Variants in GNPTG observed in about 807,000 individuals in gnomAD.
GNPTG encodes N-acetylglucosamine-1-phosphate transferase subunit gamma.
Under a neutral mutation model 43.8 loss-of-function variants are expected in GNPTG, and 46 were observed. That is an observed-to-expected ratio of 1.05 (90% CI 0.83 to 1.34). The LOEUF is 1.34. GNPTG is among the 40% of genes most tolerant of loss of function. The pLI, the probability that GNPTG is intolerant of heterozygous loss-of-function variation, is 0.00. For missense variants in GNPTG, 549 were observed against 411.3 expected (o/e 1.33, Z -2.90); for synonymous variants, 250 against 172.8 (o/e 1.45, Z -3.50).
At position 1,363,399 on chromosome 16, in the gene GNPTG, A is replaced by G; in HGVS notation, c.*308A>G. ...ATTCAAATAACATTCTCATGTAAAT[A>G]CTCAAACATACAGATTGAGGCTTCC... is the stretch of plus-strand genomic sequence containing the variant. On this transcript the variant is annotated 3_prime_UTR_variant, in exon 11 of 11. Coordinates refer to ENST00000204679, the MANE Select transcript of GNPTG (RefSeq NM_032520.5). 1 of 390,642 alleles carries G rather than the reference A, an allele frequency of 2.6e-6. No individual in the cohort carries two copies. The allele number at this position is 390,642 out of a possible 1,614,324, so 24.2% of individuals were successfully genotyped here.
In GNPTG at chr16:1,363,574, C is replaced by T. The variant is rs1003633771; in HGVS notation, c.*483C>T. 4.5e-6 allele frequency: 1 copy of T among 222,290 alleles called. No individual in the cohort carries two copies. Among genetic ancestry groups the T allele is most frequent in the African/African-American group, 2.3e-5 (1 of 42,822 alleles). The allele number at this position is 222,290 out of a possible 1,614,324, so 13.8% of individuals were successfully genotyped here. The stretch of plus-strand genomic sequence containing the variant: ...ACATGCAGAGCCGGCCGCCAGCCAG[C>T]TCCTACGCCCCGTGCCCGCCATGGC... On this transcript the variant is annotated 3_prime_UTR_variant, in exon 11 of 11. Transcript: ENST00000204679.
At chr16:1,354,581 G>T (rs1186971236) in intron 3 of GNPTG, among the ~76,000 whole-genome samples, 1 of 35,522 alleles carries the variant, frequency 2.8e-5, no homozygotes, top group Non-Finnish European at 4.6e-5. Flanking sequence ...GCAAGACTTC[G>T]TCTCAAAAAA....
chr16:1,364,107 A>G lies in GNPTG; in HGVS notation c.*1016A>G, dbSNP rs749097238. On this transcript the variant is annotated 3_prime_UTR_variant, in exon 11 of 11. Transcript: ENST00000204679. The stretch of plus-strand genomic sequence containing the variant: ...AAATACAAATAAAAACAGAGTTTAC[A>G]CATCGATGACAGTAGCACAAAATAT... 6.6e-6 allele frequency: 1 copy of G among 152,260 alleles called. No individual in the cohort carries two copies. The highest frequency in any genetic ancestry group is 1.5e-5 in the Non-Finnish European group (1 of 68,050). The allele number at this position is 152,260 out of a possible 1,614,324, so 9.4% of individuals were successfully genotyped here.
At chr16:1,352,546 G>T in intron 3 of GNPTG, 2 of 557,184 alleles carry the variant, frequency 3.6e-6, no homozygotes, top group Non-Finnish European at 6.4e-6. Context: ...ATAGTCTGGT[G>T]ACTTTGCAGA....
chr16:1,360,810 T>A (rs1366370522), intron 3 of GNPTG: 1 of 152,238 alleles, frequency 6.6e-6, no homozygotes, highest in Non-Finnish European at 1.5e-5. Flanking sequence ...AGGCAACTGG[T>A]ATTAATTCAC....
At chr16:1,360,153 G>C (rs1361473082) in intron 3 of GNPTG, among the ~76,000 whole-genome samples, 2 of 151,954 alleles carry the variant, frequency 1.3e-5, no homozygotes, top group African/African-American at 4.8e-5. Context: ...GCTTTATGTA[G>C]TGGGTGGCAC....
In GNPTG at chr16:1,363,958, A is replaced by G. The variant is rs1252532113; in HGVS notation, c.*867A>G. ...GGGGCGGGCGCCACCTCCTTCCCAG[A>G]AAGAGCAGAGCAGCTGGCAGACTAG... On this transcript the variant is annotated 3_prime_UTR_variant, in exon 11 of 11. Coordinates refer to ENST00000204679, the MANE Select transcript of GNPTG (RefSeq NM_032520.5). 7 of 152,228 alleles carry G rather than the reference A, an allele frequency of 4.6e-5. No homozygotes were observed. Among genetic ancestry groups the G allele is most frequent in the East Asian group, 1.9e-4 (1 of 5,200 alleles). The allele number at this position is 152,228 out of a possible 1,614,324, so 9.4% of individuals were successfully genotyped here.
rs1295354042 is a variant in GNPTG at position 1,363,861 on chromosome 16, C to G, written c.*770C>G. ...AGGGGAGCAGGTGCCACCTCCATCT[C>G]CCAGCTGTCCCCCCACCCCTGGGGC... is the stretch of plus-strand genomic sequence containing the variant. On this transcript the variant is annotated 3_prime_UTR_variant, in exon 11 of 11. Transcript: ENST00000204679. 1 of 152,522 alleles carries G rather than the reference C, an allele frequency of 6.6e-6. No homozygotes were observed. The highest frequency in any genetic ancestry group is 1.5e-5 in the Non-Finnish European group (1 of 68,294). 9.4% of individuals were successfully genotyped at this position (152,522 alleles called of 1,614,324 possible).
At position 1,362,533 on chromosome 16, in the gene GNPTG, A is replaced by AG. The variant is rs193302852; in HGVS notation, c.609+1dup. On this transcript the variant is annotated frameshift_variant and splice_region_variant, in exon 8 of 11. Coordinates refer to ENST00000204679, the MANE Select transcript of GNPTG (RefSeq NM_032520.5). LOFTEE classifies it high-confidence loss of function. ...CTGGCCGATGAGCTGATCACCCCCC[A>AG]GGTAAGCGTGCGCTCGGGGTGGCCC... 2 of 1,614,114 alleles carry AG rather than the reference A, an allele frequency of 1.2e-6. No homozygotes were observed. Among genetic ancestry groups the AG allele is most frequent in the East Asian group, 2.2e-5 (1 of 44,868 alleles).
chr16:1,363,302 C>G lies in GNPTG; in HGVS notation c.*211C>G, dbSNP rs866134927. ...ATGCTATAGTGTAAAAAAATTTAAA[C>G]AAGTGTTAACTTTAAACAGTTCGCT... On this transcript the variant is annotated 3_prime_UTR_variant, in exon 11 of 11. Coordinates refer to ENST00000204679, the MANE Select transcript of GNPTG (RefSeq NM_032520.5). The G allele has an allele frequency of 1.7e-6, 1 of 584,148 alleles. No homozygotes were observed. The highest frequency in any genetic ancestry group is 1.9e-5 in the South Asian group (1 of 52,014). The allele number at this position is 584,148 out of a possible 1,614,324, so 36.2% of individuals were successfully genotyped here.
Position 1,351,954 on chromosome 16 carries a change from C to A in GNPTG, c.-12C>A, listed in dbSNP as rs1215811678. 8 of 1,285,556 alleles carry A rather than the reference C, an allele frequency of 6.2e-6. 1 individual carries two copies. Among genetic ancestry groups the A allele is most frequent in the African/African-American group, 4.7e-5 (3 of 64,058 alleles). The allele number at this position is 1,285,556 out of a possible 1,614,324, so 79.6% of individuals were successfully genotyped here. ...TCACTTCACGTGACCGCGCGGCGGC[C>A]GCTGCGGCGCGATGGCGGCGGGGCT... is the stretch of plus-strand genomic sequence containing the variant. On this transcript the variant is annotated 5_prime_UTR_variant, in exon 1 of 11. Coordinates refer to ENST00000204679, the MANE Select transcript of GNPTG (RefSeq NM_032520.5).
intron 3 of GNPTG, 189 bp downstream of exon 3, chr16:1,352,495 A>G: frequency 1.5e-6 from 1 of 670,796 alleles, no homozygotes; most frequent in Middle Eastern, 4.0e-4. Flanking sequence ...TTATCTCCAG[A>G]CTTAGTCCTT....
At position 1,352,004 on chromosome 16, in the gene GNPTG, G is replaced by GCT; in HGVS notation, c.43_44dup (p.Ala16ArgfsTer13). ...TGGCGCGGCTCCTGTTGCTCCTCGG[G>GCT]CTCTCGGCCGGCGGTGAGTGGCCCG... On this transcript the variant is annotated frameshift_variant, in exon 1 of 11. Coordinates refer to ENST00000204679, the MANE Select transcript of GNPTG (RefSeq NM_032520.5). LOFTEE classifies it high-confidence loss of function. 6.9e-7 allele frequency: 1 copy of GCT among 1,456,832 alleles called. No homozygotes were observed. The highest frequency in any genetic ancestry group is 9.0e-7 in the Non-Finnish European group (1 of 1,109,528). 90.2% of individuals were successfully genotyped at this position (1,456,832 alleles called of 1,614,324 possible). A position where few individuals can be genotyped will look rare whatever the true frequency, so the allele number is the denominator to read the frequency against.
At chr16:1,355,723 G>A (rs962744465) in intron 3 of GNPTG, among the ~76,000 whole-genome samples, 8 of 151,748 alleles carry the variant, frequency 5.3e-5, no homozygotes, top group Non-Finnish European at 7.4e-5. Flanking sequence ...GGAGCGGCCA[G>A]CTGGGCAGGA....
At chr16:1,354,964 C>T (rs892194932) in intron 3 of GNPTG, among the ~76,000 whole-genome samples, 5 of 152,092 alleles carry the variant, frequency 3.3e-5, no homozygotes, top group South Asian at 4.2e-4. Flanking sequence ...GAAAGTCCCC[C>T]GCGTCTGTGG....
Position 1,362,745 on chromosome 16 carries a change from A to G in GNPTG, c.741+3A>G. 6.2e-7 allele frequency: 1 copy of G among 1,614,072 alleles called. No homozygotes were observed. The highest frequency in any genetic ancestry group is 8.5e-7 in the Non-Finnish European group (1 of 1,179,998). On this transcript the variant is annotated splice_donor_region_variant and intron_variant, in intron 9 of 10. Transcript: ENST00000204679. ...AGACCCTGGAAAACTGCAGGAAGGT[A>G]CCGTATTGGGGGGAGGTGGTGGCAC...
In GNPTG at chr16:1,362,038, C is replaced by T. The variant is rs770716391; in HGVS notation, c.318C>T (p.Gly106=). ...FRWNAYSGIL[G]IWHEWEIANN... is the part of the protein sequence containing the mutation. ...ACGTGCCGTGCCCGTGTCTCCCCAG[C>T]ATCTGGCACGAGTGGGAGATCGCCA... The change falls in exon 6 of 11, where the codon GGC becomes GGT. Residue 106 remains glycine, a splice_region_variant and synonymous_variant. Transcript: ENST00000204679. The T allele has an allele frequency of 3.1e-6, 5 of 1,612,786 alleles. No individual in the cohort carries two copies. The highest frequency in any genetic ancestry group is 2.2e-5 in the South Asian group (2 of 90,976).
chr16:1,357,067 G>C (rs527460575), intron 3 of GNPTG, among the ~76,000 whole-genome samples: 3 of 152,322 alleles, frequency 2.0e-5, no homozygotes, highest in South Asian at 2.1e-4. Context: ...GGCCAGACTG[G>C]AGGGACCAAG....
intron 3 of GNPTG, chr16:1,360,868 C>G (rs948556673): frequency 2.0e-5 from 3 of 152,592 alleles, no homozygotes; most frequent in African/African-American, 7.2e-5. Context: ...TGTCTGCTCA[C>G]TTCCCCGGGT....
Sources: gnomAD v4.1 joint callset for allele counts (sites outside exome capture counted in the v4.1 genomes callset) on GRCh38, gnomAD v4.1.1 for gene constraint, MANE v1.5 for transcripts, NCBI Gene and HGNC (gene_info 2026-07-23, HGNC 2026-07-21) for gene names.